Variants in CDKL3 observed in about 807,000 individuals in gnomAD.
CDKL3 encodes the protein cyclin dependent kinase like 3.
CDKL3 carries 65 observed loss-of-function variants against 69.3 expected under a neutral mutation model. The observed-to-expected ratio is 0.94, with a 90% CI of 0.77 to 1.15. The LOEUF (loss-of-function observed/expected upper bound fraction) is 1.15, where lower values mean the gene tolerates loss of function less well. Among genes scored for constraint, CDKL3 ranks in the 50% most tolerant of loss-of-function variants. CDKL3 has a pLI of 0.00. For synonymous variants in CDKL3, 202 were observed against 221.6 expected (o/e 0.91, Z 0.79); for missense variants, 652 against 689.2 (o/e 0.95, Z 0.61).
At chr5:134,351,689 G>A (rs534493234) in intron 3 of CDKL3, among the ~76,000 whole-genome samples, 1 of 152,176 alleles carries the variant, frequency 6.6e-6, no homozygotes, top group South Asian at 2.1e-4. Context: ...ATGAGTGCTG[G>A]GCTCAAGTGA....
At chr5:134,314,660 G>A (rs551166294) in intron 6 of CDKL3, among the ~76,000 whole-genome samples, 1 of 152,310 alleles carries the variant, frequency 6.6e-6, no homozygotes, top group East Asian at 1.9e-4. Context: ...AAACATGAAT[G>A]AATCTCTAAA....
chr5:134,327,235 T>C (rs1316499384), intron 4 of CDKL3, among the ~76,000 whole-genome samples: 1 of 152,144 alleles, frequency 6.6e-6, no homozygotes, highest in East Asian at 1.9e-4. Flanking sequence ...GTGCAGAGAA[T>C]ACTGGGGCCC....
At chr5:134,367,933 C>T (rs1757839729), upstream of CDKL3, among the ~76,000 whole-genome samples, 1 of 152,246 alleles carries the variant, frequency 6.6e-6, no homozygotes, top group African/African-American at 2.4e-5. Flanking sequence ...ACCACCATAT[C>T]ACTAGACCAA....
At chr5:134,327,244 C>T (rs1774630739) in intron 4 of CDKL3, among the ~76,000 whole-genome samples, 1 of 152,226 alleles carries the variant, frequency 6.6e-6, no homozygotes, top group East Asian at 1.9e-4. Flanking sequence ...ATACTGGGGC[C>T]CAAATTGCAC....
intron 4 of CDKL3, among the ~76,000 whole-genome samples, chr5:134,334,830 C>T (rs563535772): frequency 1.6e-4 from 25 of 152,162 alleles, no homozygotes; most frequent in East Asian, 7.7e-4. Context: ...CTATTAGGTC[C>T]GCTTGGTCCA....
intron 4 of CDKL3, among the ~76,000 whole-genome samples, chr5:134,341,389 T>C (rs901639759): frequency 9.2e-5 from 14 of 152,174 alleles, no homozygotes; most frequent in Non-Finnish European, 2.9e-5. Flanking sequence ...AAGGTAAAAC[T>C]ATATCTATTC....
chr5:134,367,512 T>G, upstream of CDKL3: 1 of 541,076 alleles, frequency 1.8e-6, no homozygotes, highest in Non-Finnish European at 2.4e-6. Flanking sequence ...TAGCTGGGAT[T>G]ACAGGCGTGT....
At chr5:134,369,080 C>G (rs1247698998), upstream of CDKL3, among the ~76,000 whole-genome samples, 3 of 152,114 alleles carry the variant, frequency 2.0e-5, no homozygotes, top group African/African-American at 7.2e-5. Context: ...AGTCCCTGCC[C>G]TCAATGAACT....
chr5:134,319,488 G>A lies in CDKL3; in HGVS notation c.662C>T (p.Ser221Leu), dbSNP rs2149481712. 6.6e-7 allele frequency: 1 copy of A among 1,524,596 alleles called. No homozygotes were observed. The highest frequency in any genetic ancestry group is 8.8e-7 in the Non-Finnish European group (1 of 1,139,150). 94.4% of individuals were successfully genotyped at this position (1,524,596 alleles called of 1,614,324 possible). A position where few individuals can be genotyped will look rare whatever the true frequency, so the allele number is the denominator to read the frequency against. Residue 221 changes from serine to leucine, a missense_variant, in exon 6 of 13, where the codon TCA becomes TTA. Physicochemically the swap from Ser to Leu is moderately radical, Grantham distance 145. Transcript: ENST00000265334. ...HKIVLKVGNL[S>L]PHLQNIFSKS... ...GGAAAAGATATTCTGCAAGTGAGGTGACAAATTGCCTGAAAAGAGAAAAAA... is the reference window on the plus strand; with the variant it reads ...GGAAAAGATATTCTGCAAGTGAGGTAACAAATTGCCTGAAAAGAGAAAAAA...
At chr5:134,297,628 C>T (rs1238622025), downstream of CDKL3, among the ~76,000 whole-genome samples, 2 of 151,168 alleles carry the variant, frequency 1.3e-5, no homozygotes, top group Non-Finnish European at 2.9e-5. Flanking sequence ...GTTGCCCAGG[C>T]TGGAGTGCAA....
At position 134,366,986 on chromosome 5, in the gene CDKL3, GC is replaced by G; in HGVS notation, c.-32del. 1 of 989,464 alleles carries G rather than the reference GC, an allele frequency of 1.0e-6. No homozygotes were observed. Among genetic ancestry groups the G allele is most frequent in the Non-Finnish European group, 1.2e-6 (1 of 832,666 alleles). 61.3% of individuals were successfully genotyped at this position (989,464 alleles called of 1,614,324 possible). On this transcript the variant is annotated 5_prime_UTR_variant, in exon 1 of 13. The change abolishes the stop of an existing upstream ORF in the 5' untranslated region. Transcript: ENST00000265334. ...TCTTAGGATGCCGGACCGGCGTCAC[GC>G]CCCACGTCCCGCTGTTGACTTTATC...
Position 134,329,100 on chromosome 5 carries a change from G to A in CDKL3, c.540-7197C>T, listed in dbSNP as rs934944100. ...TCATACCTGTAATCCCAGCACATTT[G>A]AGGGCTGAGGTGGGAAGATTGCTTG... On this transcript the variant is annotated intron_variant, in intron 4 of 12. Transcript: ENST00000265334. Among the ~76,000 whole-genome samples, 27 of 152,198 alleles carry A rather than the reference G, an allele frequency of 1.8e-4. 2 individuals carry two copies. The highest frequency in any genetic ancestry group is 1.5e-5 in the Non-Finnish European group (1 of 68,032).
chr5:134,339,374 A>C (rs1278711751), intron 4 of CDKL3, among the ~76,000 whole-genome samples: 1 of 152,192 alleles, frequency 6.6e-6, no homozygotes, highest in Non-Finnish European at 1.5e-5. Context: ...AACAATCACA[A>C]GAAAACTAAA....
chr5:134,284,460 G>A (rs555984338), downstream of CDKL3, among the ~76,000 whole-genome samples: 2 of 152,284 alleles, frequency 1.3e-5, no homozygotes, highest in Non-Finnish European at 2.9e-5. Context: ...ACAAGGCCAG[G>A]TGAAATTAGA....
downstream of CDKL3, among the ~76,000 whole-genome samples, chr5:134,283,397 C>T (rs1764712979): frequency 6.6e-6 from 1 of 152,080 alleles, no homozygotes; most frequent in Admixed American, 6.5e-5. Flanking sequence ...GCTGGGGAGG[C>T]TTCACAATCA....
intron 3 of CDKL3, among the ~76,000 whole-genome samples, chr5:134,354,010 GC>G (rs1753948333): frequency 1.3e-5 from 2 of 152,074 alleles, no homozygotes. Context: ...TTCCCGATTT[GC>G]CAGGGTTTGT....
chr5:134,327,694 A>G (rs951696533), intron 4 of CDKL3, among the ~76,000 whole-genome samples: 1 of 152,230 alleles, frequency 6.6e-6, no homozygotes, highest in Non-Finnish European at 1.5e-5. Context: ...TTAAATATTG[A>G]GCACAGAAAC....
intron 12 of CDKL3, chr5:134,299,706 A>G (rs1281741271): frequency 3.9e-6 from 6 of 1,534,802 alleles, no homozygotes; most frequent in Non-Finnish European, 5.2e-6. Flanking sequence ...TCTACTCTAC[A>G]TCTGGCAAGT....
At chr5:134,368,159 C>A (rs1757878380), upstream of CDKL3, among the ~76,000 whole-genome samples, 1 of 152,216 alleles carries the variant, frequency 6.6e-6, no homozygotes, top group Non-Finnish European at 1.5e-5. Context: ...CCTCCACACC[C>A]CTGCCCCAAT....
Sources: allele counts gnomAD v4.1 joint callset (sites outside exome capture counted in the v4.1 genomes callset), GRCh38; gene constraint gnomAD v4.1.1; transcripts MANE v1.5; gene names NCBI Gene and HGNC (gene_info 2026-07-23, HGNC 2026-07-21).